Variants in ZMYND12 observed in about 807,000 individuals in gnomAD.
The protein encoded by ZMYND12 is zinc finger MYND-type containing 12, also known as zinc finger MYND domain-containing protein 12.
In ZMYND12, 32 loss-of-function variants were observed where a neutral mutation model predicts 41.7. The ratio of observed to expected loss-of-function variants is 0.77; its 90% CI spans 0.58 to 1.03. The LOEUF (loss-of-function observed/expected upper bound fraction) is 1.03. ZMYND12 is among the 50% of genes least tolerant of loss of function. The probability of loss-of-function intolerance (pLI) is 0.00; values close to 1 mark genes in which losing one functional copy is unlikely to be tolerated. For synonymous variants in ZMYND12, 148 were observed against 164.8 expected (o/e 0.90, Z 0.78); for missense variants, 424 against 438.5 (o/e 0.97, Z 0.30).
intron 4 of ZMYND12, 60 bp downstream of exon 4, chr1:42,439,796 A>G: frequency 6.7e-7 from 1 of 1,486,764 alleles, no homozygotes; most frequent in Non-Finnish European, 9.0e-7. Context: ...TTTTGGAAAT[A>G]TACAGGTGTT....
At chr1:42,436,215 A>C (rs1018837518) in intron 5 of ZMYND12, among the ~76,000 whole-genome samples, 3 of 152,214 alleles carry the variant, frequency 2.0e-5, no homozygotes, top group Non-Finnish European at 4.4e-5. Context: ...ACGGATGTTA[A>C]GGGTTAGTCT....
Position 42,430,582 on chromosome 1 carries a change from T to C in ZMYND12, c.*154A>G. The stretch of plus-strand genomic sequence containing the variant: ...AGCTTTATATTCCCTTAATATGCTG[T>C]GTAAGAAAAAAATAACAGCTATGTG... On this transcript the variant is annotated 3_prime_UTR_variant, in exon 8 of 8. Transcript: ENST00000372565. The C allele has an allele frequency of 1.0e-6, 1 of 953,582 alleles. No individual in the cohort carries two copies. The highest frequency in any genetic ancestry group is 1.5e-6 in the Non-Finnish European group (1 of 648,874). 59.1% of individuals were successfully genotyped at this position (953,582 alleles called of 1,614,324 possible). A position where few individuals can be genotyped will look rare whatever the true frequency, so the allele number is the denominator to read the frequency against.
chr1:42,440,662 CTTT>C (rs869080341), intron 3 of ZMYND12, among the ~76,000 whole-genome samples: 8 of 147,440 alleles, frequency 5.4e-5, no homozygotes, highest in Non-Finnish European at 1.1e-4. Context: ...CTGGATTGTC[CTTT>C]TTTTGTTGTT....
In ZMYND12 at chr1:42,436,481, G is replaced by A. The variant is rs781007178; in HGVS notation, c.657C>T (p.His219=). 6 of 1,613,842 alleles carry A rather than the reference G, an allele frequency of 3.7e-6. No homozygotes were observed. In the South Asian group the frequency reaches 6.6e-5, roughly 18 times the overall value. ...TAAGGTCATAGAATATATTAGCCAGGTGGAAGTAGCCTCCTGAAGTCCTAA... is the reference window on the plus strand; with the variant it reads ...TAAGGTCATAGAATATATTAGCCAGATGGAAGTAGCCTCCTGAAGTCCTAA... ...EDIRTSGGYF[H]LANIFYDLKK... is the part of the protein sequence containing the mutation. The change falls in exon 5 of 8, where the codon CAC becomes CAT. Residue 219 remains histidine, a synonymous_variant. Transcript: ENST00000372565.
intron 3 of ZMYND12, among the ~76,000 whole-genome samples, chr1:42,441,305 T>G (rs1642965635): frequency 6.6e-6 from 1 of 152,120 alleles, no homozygotes; most frequent in Non-Finnish European, 1.5e-5. Context: ...GCATGTGCAA[T>G]GTCATAGAAA....
rs574631243 is a variant in ZMYND12, at chr1:42,437,337, A to T, written c.595-794T>A. Among the ~76,000 whole-genome samples, 25 of 152,220 alleles carry T rather than the reference A, an allele frequency of 1.6e-4. No individual in the cohort carries two copies. In the South Asian group the frequency reaches 5.0e-3, roughly 30 times the overall value. ...TCTTTGGGGTAATGGAAATGTTCTG[A>T]AACTTGATTGTGCTAATGGTTGCGC... On this transcript the variant is annotated intron_variant, in intron 4 of 7. Transcript: ENST00000372565.
chr1:42,446,549 G>C (rs1324902049), intron 3 of ZMYND12, among the ~76,000 whole-genome samples: 1 of 152,014 alleles, frequency 6.6e-6, no homozygotes, highest in Non-Finnish European at 1.5e-5. Context: ...CTACTCGGGA[G>C]GCTGAGGCAG....
At chr1:42,439,761 C>T in intron 4 of ZMYND12, 95 bp downstream of exon 4, 1 of 1,300,708 alleles carries the variant, frequency 7.7e-7, no homozygotes, top group Non-Finnish European at 1.0e-6. Context: ...TAGAGAAATG[C>T]ACAGTTTTAA....
At chr1:42,435,462 G>T in intron 5 of ZMYND12, 77 bp from the exon 6 acceptor site, 5 of 1,129,212 alleles carry the variant, frequency 4.4e-6, no homozygotes, top group Non-Finnish European at 6.7e-6. Context: ...GGAGAGTAGC[G>T]CATTTGGCCG....
At chr1:42,453,139 T>A (rs536923792) in intron 1 of ZMYND12, among the ~76,000 whole-genome samples, 4 of 152,044 alleles carry the variant, frequency 2.6e-5, no homozygotes, top group South Asian at 2.1e-4. Context: ...ACAACCTCAG[T>A]TTTGTTTTAT....
At chr1:42,452,858 A>C (rs1265208831) in intron 1 of ZMYND12, among the ~76,000 whole-genome samples, 1 of 152,236 alleles carries the variant, frequency 6.6e-6, no homozygotes, top group Non-Finnish European at 1.5e-5. Flanking sequence ...AAGGAAATTC[A>C]CCAAAATTTC....
At chr1:42,432,868 C>T (rs530497572) in intron 7 of ZMYND12, 1 of 362,914 alleles carries the variant, frequency 2.8e-6, no homozygotes, top group South Asian at 4.2e-5. Context: ...CCAAGGCTCC[C>T]CAGAGCCTTC....
At chr1:42,445,114 G>A (rs1191462535) in intron 3 of ZMYND12, among the ~76,000 whole-genome samples, 1 of 150,514 alleles carries the variant, frequency 6.6e-6, no homozygotes, top group Non-Finnish European at 1.5e-5. Flanking sequence ...GGCCAGAAAG[G>A]GTAGTTCTTT....
At chr1:42,451,365 T>C (rs1236307779) in intron 1 of ZMYND12, among the ~76,000 whole-genome samples, 1 of 152,256 alleles carries the variant, frequency 6.6e-6, no homozygotes, top group Non-Finnish European at 1.5e-5. Context: ...TGCATAGTCA[T>C]GGGTTTTTGC....
chr1:42,430,620 G>A lies in ZMYND12; in HGVS notation c.*116C>T. ...TAACAGCTATGTGTGCAATCCCAGGGGAAGAGGGTGGAAACTTCAGCAGTC... is the reference window on the plus strand; with the variant it reads ...TAACAGCTATGTGTGCAATCCCAGGAGAAGAGGGTGGAAACTTCAGCAGTC... On this transcript the variant is annotated 3_prime_UTR_variant, in exon 8 of 8. Coordinates refer to ENST00000372565, the MANE Select transcript of ZMYND12 (RefSeq NM_032257.5). The A allele has an allele frequency of 7.4e-7, 1 of 1,356,246 alleles. No homozygotes were observed. The highest frequency in any genetic ancestry group is 1.0e-6 in the Non-Finnish European group (1 of 987,600). The allele number at this position is 1,356,246 out of a possible 1,614,324, so 84.0% of individuals were successfully genotyped here.
intron 3 of ZMYND12, among the ~76,000 whole-genome samples, chr1:42,446,512 C>T (rs982443557): frequency 6.6e-6 from 1 of 151,848 alleles, no homozygotes; most frequent in African/African-American, 2.4e-5. Context: ...ATGAGCCAGG[C>T]GTGGTGGCAC....
chr1:42,442,389 C>T (rs977592232), intron 3 of ZMYND12, among the ~76,000 whole-genome samples: 2 of 152,092 alleles, frequency 1.3e-5, no homozygotes, highest in African/African-American at 2.4e-5. Flanking sequence ...GGACAACACA[C>T]GGTTACTAAG....
intron 3 of ZMYND12, among the ~76,000 whole-genome samples, chr1:42,445,294 G>A (rs1392261284): frequency 1.1e-4 from 17 of 151,676 alleles, no homozygotes; most frequent in Admixed American, 7.9e-4. Flanking sequence ...ATAGCTGGGC[G>A]TGGTGGTGCG....
At chr1:42,431,088 C>T (rs1642844022) in intron 7 of ZMYND12, among the ~76,000 whole-genome samples, 1 of 152,162 alleles carries the variant, frequency 6.6e-6, no homozygotes, top group South Asian at 2.1e-4. Context: ...AAACTAAGTA[C>T]AAACTAAGTA....
Sources: gnomAD v4.1 joint callset for allele counts (sites outside exome capture counted in the v4.1 genomes callset) on GRCh38, gnomAD v4.1.1 for gene constraint, MANE v1.5 for transcripts, NCBI Gene and HGNC (gene_info 2026-07-23, HGNC 2026-07-21) for gene names.